The following TPD52 variants were observed in gnomAD, a reference collection of about 807,000 sequenced individuals.
The protein encoded by TPD52 is prostate and colon associated protein.
Under a neutral mutation model 31.3 loss-of-function variants are expected in TPD52, and 17 were observed. The observed-to-expected ratio is 0.54, with a 90% CI of 0.37 to 0.82. The LOEUF (loss-of-function observed/expected upper bound fraction) is 0.82, where lower values mean the gene tolerates loss of function less well. Ranked by LOEUF, TPD52 falls within the 40% of genes least tolerant of loss-of-function variation. The probability of loss-of-function intolerance (pLI) is 0.00; values close to 1 mark genes in which losing one functional copy is unlikely to be tolerated. For synonymous variants in TPD52, 83 were observed against 89.6 expected, an observed-to-expected ratio of 0.93 and a Z score of 0.42; for missense variants, 212 against 240.1, an observed-to-expected ratio of 0.88 and a Z score of 0.77.
At chr8:80,154,279 G>C (rs1810775506) in intron 1 of TPD52, among the ~76,000 whole-genome samples, 1 of 152,214 alleles carries the variant, frequency 6.6e-6, no homozygotes, top group Non-Finnish European at 1.5e-5. Context: ...GTATCAGGAG[G>C]GCTCCCAGGA....
At chr8:80,093,373 C>G (rs1464123131) in intron 1 of TPD52, among the ~76,000 whole-genome samples, 1 of 152,128 alleles carries the variant, frequency 6.6e-6, no homozygotes, top group Non-Finnish European at 1.5e-5. Context: ...GACAGCTCTA[C>G]AGGGGTGCAT....
intron 1 of TPD52, among the ~76,000 whole-genome samples, chr8:80,130,209 T>C (rs1172661494): frequency 1.3e-5 from 2 of 151,602 alleles, no homozygotes; most frequent in East Asian, 3.9e-4. Context: ...GTGGAAAGGA[T>C]GAAAAAGGGA....
At chr8:80,057,561 A>G (rs1812031877) in intron 2 of TPD52, among the ~76,000 whole-genome samples, 2 of 152,188 alleles carry the variant, frequency 1.3e-5, no homozygotes, top group South Asian at 4.1e-4. Flanking sequence ...TCAAATTAAC[A>G]CAAAAATGGA....
intron 2 of TPD52, among the ~76,000 whole-genome samples, chr8:80,060,003 C>A (rs1183800740): frequency 1.3e-5 from 2 of 151,460 alleles, no homozygotes; most frequent in Non-Finnish European, 2.9e-5. Context: ...ATTGCTTGAA[C>A]CCTGGAGGCA....
At position 80,104,646 on chromosome 8, in the gene TPD52, A is replaced by C. The variant is rs77408153; in HGVS notation, c.20-40053T>G. ...TGTAGAGGTTTCTAACCTCTCGTCTACTCTGAGTCTGCTGATTTTTTTTTT... is the reference window on the plus strand; with the variant it reads ...TGTAGAGGTTTCTAACCTCTCGTCTCCTCTGAGTCTGCTGATTTTTTTTTT... On this transcript the variant is annotated intron_variant, in intron 1 of 7. Coordinates refer to ENST00000518937, the MANE Select transcript of TPD52 (RefSeq NM_001025253.3). Among the ~76,000 whole-genome samples, 867 of 140,514 alleles carry C rather than the reference A, an allele frequency of 6.2e-3. 8 individuals carry two copies. Among genetic ancestry groups the C allele is most frequent in the African/African-American group, 0.023 (826 of 36,456 alleles). The allele number at this position is 140,514 out of a possible 152,430, so 92.2% of individuals were successfully genotyped here. A position where few individuals can be genotyped will look rare whatever the true frequency, so the allele number is the denominator to read the frequency against.
intron 5 of TPD52, among the ~76,000 whole-genome samples, chr8:80,047,247 G>C (rs958168707): frequency 6.6e-6 from 1 of 152,154 alleles, no homozygotes; most frequent in Non-Finnish European, 1.5e-5. Flanking sequence ...CCTTGGGGAA[G>C]TCACTTAATC....
At chr8:80,112,599 T>C (rs6993390) in intron 1 of TPD52, among the ~76,000 whole-genome samples, 67,579 of 151,858 alleles carry the variant, frequency 0.45, 15,514 homozygotes, top group East Asian at 0.79. Context: ...CAATGTAGAG[T>C]TTATTGGGCT....
rs570245825 is a variant in TPD52 at position 80,129,761 on chromosome 8, G to A, written c.19+41664C>T. ...ATCACCCAGGCTGGAGTGCAGTGGC[G>A]CGATCTCAGCTCACTGAAACCTCCA... On this transcript the variant is annotated intron_variant, in intron 1 of 7. Coordinates refer to ENST00000518937, the MANE Select transcript of TPD52 (RefSeq NM_001025253.3). Among the ~76,000 whole-genome samples, 52 of 148,238 alleles carry A rather than the reference G, an allele frequency of 3.5e-4. No homozygotes were observed. The East Asian group carries it at 4.4e-3, about 13-fold the overall frequency.
intron 7 of TPD52, among the ~76,000 whole-genome samples, chr8:80,040,331 G>A (rs971778598): frequency 2.0e-5 from 3 of 151,440 alleles, no homozygotes; most frequent in African/African-American, 2.4e-5. Context: ...GGGACTACAG[G>A]TGTATGCCAA....
intron 7 of TPD52, chr8:80,042,136 A>G: frequency 1.0e-6 from 1 of 971,908 alleles, no homozygotes; most frequent in Non-Finnish European, 1.2e-6. Context: ...ATAATATTGA[A>G]AGAGAATACT....
At chr8:80,046,726 C>T (rs1412660844) in intron 5 of TPD52, among the ~76,000 whole-genome samples, 2 of 139,240 alleles carry the variant, frequency 1.4e-5, no homozygotes, top group African/African-American at 6.9e-5. Flanking sequence ...CAAACATGGG[C>T]TCCTCAAAAC....
chr8:80,054,082 G>T (rs1483487487), intron 2 of TPD52, among the ~76,000 whole-genome samples: 1 of 152,172 alleles, frequency 6.6e-6, no homozygotes, highest in Non-Finnish European at 1.5e-5. Context: ...GTGGTTAGAG[G>T]TGGGCCCTGA....
intron 7 of TPD52, among the ~76,000 whole-genome samples, chr8:80,041,205 T>C (rs1810353869): frequency 1.3e-5 from 2 of 152,164 alleles, no homozygotes; most frequent in South Asian, 4.1e-4. Flanking sequence ...GACAGGTTGA[T>C]GGGTGCAGTA....
At chr8:80,050,368 G>T in intron 5 of TPD52, 77 bp downstream of exon 5, 1 of 1,411,868 alleles carries the variant, frequency 7.1e-7, no homozygotes, top group Non-Finnish European at 9.7e-7. Context: ...ATCATCCAAC[G>T]TAGCATGGTA....
chr8:80,107,133 G>A (rs1434638767), intron 1 of TPD52, among the ~76,000 whole-genome samples: 2 of 152,166 alleles, frequency 1.3e-5, no homozygotes, highest in Admixed American at 6.5e-5. Context: ...TTACAGGCGT[G>A]AGCCACCATG....
intron 1 of TPD52, among the ~76,000 whole-genome samples, chr8:80,135,561 G>A (rs1197822666): frequency 6.6e-6 from 1 of 151,874 alleles, no homozygotes; most frequent in African/African-American, 2.4e-5. Context: ...AACCATTGTG[G>A]AAATCAGTGT....
downstream of TPD52, chr8:80,034,621 A>T (rs1045318920): frequency 6.6e-6 from 1 of 152,234 alleles, no homozygotes; most frequent in Non-Finnish European, 1.5e-5. Flanking sequence ...AGCATTTAGG[A>T]GCTGGAAGAA....
intron 1 of TPD52, among the ~76,000 whole-genome samples, chr8:80,074,269 A>G (rs1814262247): frequency 6.6e-6 from 1 of 152,228 alleles, no homozygotes; most frequent in Admixed American, 6.5e-5. Flanking sequence ...GAGGCATAAA[A>G]AGAGATTTAA....
chr8:80,052,318 GACA>G (rs564411866), intron 3 of TPD52, among the ~76,000 whole-genome samples: 6 of 152,006 alleles, frequency 3.9e-5, no homozygotes, highest in Admixed American at 1.3e-4. Flanking sequence ...AAAAAATGAT[GACA>G]ACAACAACAA....
Sources: gnomAD v4.1 joint callset for allele counts (sites outside exome capture counted in the v4.1 genomes callset) on GRCh38, gnomAD v4.1.1 for gene constraint, MANE v1.5 for transcripts, NCBI Gene and HGNC (gene_info 2026-07-23, HGNC 2026-07-21) for gene names.